Variants in CLSTN2 observed in about 807,000 individuals in gnomAD.
CLSTN2 encodes the protein calsyntenin 2.
CLSTN2 carries 48 observed loss-of-function variants against 101.2 expected under a neutral mutation model. That is an observed-to-expected ratio of 0.47 (90% CI 0.38 to 0.60). CLSTN2 has a LOEUF of 0.60. Among genes scored for constraint, CLSTN2 ranks in the 20% least tolerant of loss-of-function variants. CLSTN2 has a pLI of 0.00. For synonymous variants in CLSTN2, 481 were observed against 463.6 expected (o/e 1.04, Z -0.48); for missense variants, 1,160 against 1,238.2 (o/e 0.94, Z 0.95).
At chr3:140,519,002 C>T (rs349562) in intron 8 of CLSTN2, among the ~76,000 whole-genome samples, 9,722 of 152,270 alleles carry the variant, frequency 0.064, 378 homozygotes, top group Non-Finnish European at 0.094. Context: ...GCTTTAGCTG[C>T]ATCCCAGAAA....
chr3:140,521,480 A>G (rs1423654220), intron 8 of CLSTN2, among the ~76,000 whole-genome samples: 12 of 152,192 alleles, frequency 7.9e-5, no homozygotes, highest in Admixed American at 7.9e-4. Flanking sequence ...CAGAGATGGC[A>G]GCCTGCTCCT....
chr3:140,207,615 T>G (rs982825663), intron 2 of CLSTN2, among the ~76,000 whole-genome samples: 1 of 152,180 alleles, frequency 6.6e-6, no homozygotes, highest in African/African-American at 2.4e-5. Context: ...TTTAAAATAA[T>G]CATGACCAGC....
intron 1 of CLSTN2, among the ~76,000 whole-genome samples, chr3:140,055,036 C>T (rs779162182): frequency 9.9e-5 from 15 of 152,134 alleles, no homozygotes; most frequent in Non-Finnish European, 1.9e-4. Flanking sequence ...GGAAAATTGG[C>T]TTTGATTTTG....
intron 1 of CLSTN2, among the ~76,000 whole-genome samples, chr3:140,135,161 T>TATAA (rs1553801612): frequency 4.0e-5 from 4 of 98,884 alleles, no homozygotes; most frequent in South Asian, 3.5e-4. Flanking sequence ...TATATATATA[T>TATAA]AAAATATGCT....
At chr3:140,427,173 C>CAAAAAA (rs11422400) in intron 5 of CLSTN2, among the ~76,000 whole-genome samples, 1 of 89,540 alleles carries the variant, frequency 1.1e-5, no homozygotes, top group Non-Finnish European at 2.0e-5. Context: ...GAGACTGTCT[C>CAAAAAA]AAAAAAAAAA....
At chr3:140,236,750 T>C (rs1306850114) in intron 2 of CLSTN2, among the ~76,000 whole-genome samples, 1 of 151,976 alleles carries the variant, frequency 6.6e-6, no homozygotes, top group African/African-American at 2.4e-5. Context: ...GTCTAATCTG[T>C]TTTTAATCTC....
intron 6 of CLSTN2, 61 bp downstream of exon 6, chr3:140,448,765 A>G: frequency 2.1e-6 from 3 of 1,404,556 alleles, no homozygotes; most frequent in Non-Finnish European, 3.0e-6. Context: ...TATACCAAAA[A>G]AGCATATCTT....
At chr3:140,025,881 G>T (rs2007410217) in intron 1 of CLSTN2, among the ~76,000 whole-genome samples, 1 of 152,312 alleles carries the variant, frequency 6.6e-6, no homozygotes, top group Admixed American at 6.5e-5. Context: ...ATGAAATGAT[G>T]TGGGCACTGG....
chr3:140,111,925 A>T (rs2009163200), intron 1 of CLSTN2, among the ~76,000 whole-genome samples: 1 of 152,162 alleles, frequency 6.6e-6, no homozygotes, highest in African/African-American at 2.4e-5. Flanking sequence ...AGTACAAGTG[A>T]CTTACCCACG....
intron 2 of CLSTN2, among the ~76,000 whole-genome samples, chr3:140,251,909 A>C (rs1249427227): frequency 1.3e-5 from 2 of 152,202 alleles, no homozygotes; most frequent in African/African-American, 4.8e-5. Flanking sequence ...CAATGTGCTT[A>C]AAGCCTGGAG....
At chr3:140,189,420 C>T (rs757405687) in intron 2 of CLSTN2, among the ~76,000 whole-genome samples, 13 of 152,158 alleles carry the variant, frequency 8.5e-5, no homozygotes, top group Middle Eastern at 3.4e-3. Flanking sequence ...TTGATCTTGT[C>T]GCTGTTTTTT....
At chr3:139,939,491 T>A (rs757530656) in intron 1 of CLSTN2, among the ~76,000 whole-genome samples, 1 of 152,202 alleles carries the variant, frequency 6.6e-6, no homozygotes, top group Non-Finnish European at 1.5e-5. Flanking sequence ...GAAGCTGAGC[T>A]GTTTGCATCT....
intron 2 of CLSTN2, among the ~76,000 whole-genome samples, chr3:140,230,438 C>T (rs116739577): frequency 0.017 from 2,513 of 152,174 alleles, 30 homozygotes; most frequent in Middle Eastern, 0.055. Context: ...TTTGTTTTTC[C>T]AAAATTTATA....
At chr3:140,426,707 T>C (rs1559866439) in intron 5 of CLSTN2, among the ~76,000 whole-genome samples, 1 of 152,188 alleles carries the variant, frequency 6.6e-6, no homozygotes, top group Non-Finnish European at 1.5e-5. Context: ...AGTAAGGACC[T>C]ATGGTTACCT....
intron 2 of CLSTN2, among the ~76,000 whole-genome samples, chr3:140,247,094 G>C (rs983148521): frequency 6.6e-6 from 1 of 152,104 alleles, no homozygotes; most frequent in African/African-American, 2.4e-5. Context: ...ACACCATTGA[G>C]AGATGGGCTT....
In CLSTN2 at chr3:140,448,619, G is replaced by A; in HGVS notation, c.888G>A (p.Gln296=). 1 of 1,614,136 alleles carries A rather than the reference G, an allele frequency of 6.2e-7. No individual in the cohort carries two copies. Among genetic ancestry groups the A allele is most frequent in the African/African-American group, 1.3e-5 (1 of 75,034 alleles). ...GCGATGGAGCCGTGTCTTCCCTCCA[G>A]ATCGTCACAGAGCTGCAGACTAATT... is the stretch of plus-strand genomic sequence containing the variant. ...ETCDGAVSSL[Q]IVTELQTNYI... is the part of the protein sequence containing the mutation. The change falls in exon 6 of 17, where the codon CAG becomes CAA. Residue 296 remains glutamine (Q), a synonymous_variant. Transcript: ENST00000458420.
intron 1 of CLSTN2, among the ~76,000 whole-genome samples, chr3:139,983,021 T>C (rs954662987): frequency 6.6e-6 from 1 of 151,370 alleles, no homozygotes; most frequent in Non-Finnish European, 1.5e-5. Context: ...ATGAGAGTTT[T>C]GTAATGATCA....
At chr3:140,368,020 A>G (rs1367249701) in intron 2 of CLSTN2, among the ~76,000 whole-genome samples, 1 of 152,152 alleles carries the variant, frequency 6.6e-6, no homozygotes, top group Non-Finnish European at 1.5e-5. Context: ...CTAAAATCTA[A>G]ATCAGGGAGA....
At position 140,563,948 on chromosome 3, in the gene CLSTN2, T is replaced by C. The variant is rs1196234916; in HGVS notation, c.2483-13T>C. ...TTGTTCACCATGTCATGCGAGTTTT[T>C]TCCTTGTTCCAGTGGTCCCAAGCAT... On this transcript the variant is annotated splice_polypyrimidine_tract_variant and intron_variant, in intron 15 of 16. Transcript: ENST00000458420. The C allele has an allele frequency of 6.2e-7, 1 of 1,612,456 alleles. No homozygotes were observed. Among genetic ancestry groups the C allele is most frequent in the East Asian group, 2.2e-5 (1 of 44,850 alleles).
Sources: gnomAD v4.1 joint callset for allele counts (sites outside exome capture counted in the v4.1 genomes callset) on GRCh38, gnomAD v4.1.1 for gene constraint, MANE v1.5 for transcripts, NCBI Gene and HGNC (gene_info 2026-07-23, HGNC 2026-07-21) for gene names.